The following PRRX2 variants were observed in gnomAD, a reference collection of about 807,000 sequenced individuals.
PRRX2 encodes paired mesoderm homeobox protein 2.
In PRRX2, 11 loss-of-function variants were observed where a neutral mutation model predicts 18.0. The ratio of observed to expected loss-of-function variants is 0.61; its 90% CI spans 0.39 to 1.01. PRRX2 has a LOEUF of 1.01. Ranked by LOEUF, PRRX2 falls within the 50% of genes least tolerant of loss-of-function variation. The pLI, the probability that PRRX2 is intolerant of heterozygous loss-of-function variation, is 0.01. For missense variants in PRRX2, 387 were observed against 351.0 expected (o/e 1.10, Z -0.82); for synonymous variants, 177 against 154.8 (o/e 1.14, Z -1.06).
At chr9:129,684,486 A>T (rs1248690701) in intron 1 of PRRX2, among the ~76,000 whole-genome samples, 1 of 69,406 alleles carries the variant, frequency 1.4e-5, no homozygotes, top group Admixed American at 1.2e-4. Context: ...CAGAAATCAC[A>T]CACACACACA....
intron 1 of PRRX2, among the ~76,000 whole-genome samples, chr9:129,679,383 G>A (rs754348180): frequency 2.6e-5 from 4 of 152,098 alleles, no homozygotes; most frequent in South Asian, 4.1e-4. Context: ...CTCCATCATC[G>A]TCGGCCCCAT....
At position 129,722,673 on chromosome 9, in the gene PRRX2, A is replaced by C. The variant is rs1832810261; in HGVS notation, c.*321A>C. ...ATAAAACCATTTTTTTAAGCCCCAA[A>C]AGGTTGCAGGAAGGTGGGTAAGGGC... On this transcript the variant is annotated 3_prime_UTR_variant, in exon 4 of 4. Coordinates refer to ENST00000372469, the MANE Select transcript of PRRX2 (RefSeq NM_016307.4). 5.1e-6 allele frequency: 1 copy of C among 197,778 alleles called. No homozygotes were observed. Among genetic ancestry groups the C allele is most frequent in the African/African-American group, 2.3e-5 (1 of 43,420 alleles). The allele number at this position is 197,778 out of a possible 1,614,324, so 12.3% of individuals were successfully genotyped here. A position where few individuals can be genotyped will look rare whatever the true frequency, so the allele number is the denominator to read the frequency against.
chr9:129,666,518 C>G (rs943184893), intron 1 of PRRX2, among the ~76,000 whole-genome samples: 29 of 152,150 alleles, frequency 1.9e-4, no homozygotes, highest in Admixed American at 9.8e-4. Context: ...AGCGCCGCCC[C>G]AGCTCCTCCT....
At chr9:129,669,148 C>T (rs1391860099) in intron 1 of PRRX2, among the ~76,000 whole-genome samples, 2 of 105,412 alleles carry the variant, frequency 1.9e-5, no homozygotes, top group South Asian at 2.9e-4. Flanking sequence ...GCTGGGATAG[C>T]AGGCTCAAAC....
chr9:129,677,484 G>A (rs1832174126), intron 1 of PRRX2, among the ~76,000 whole-genome samples: 1 of 152,164 alleles, frequency 6.6e-6, no homozygotes, highest in Non-Finnish European at 1.5e-5. Flanking sequence ...CAGGAGGGAT[G>A]GGGGGGTTCC....
At chr9:129,688,470 C>T (rs1832320721) in intron 1 of PRRX2, among the ~76,000 whole-genome samples, 1 of 152,176 alleles carries the variant, frequency 6.6e-6, no homozygotes. Flanking sequence ...CATGAACTCC[C>T]TCCCACAGTC....
chr9:129,682,727 G>A (rs557063149), intron 1 of PRRX2, among the ~76,000 whole-genome samples: 1 of 152,292 alleles, frequency 6.6e-6, no homozygotes, highest in South Asian at 2.1e-4. Context: ...TGGGCCTGTG[G>A]CGGGGTCAAG....
chr9:129,667,213 C>T (rs890779149), intron 1 of PRRX2, among the ~76,000 whole-genome samples: 1 of 152,252 alleles, frequency 6.6e-6, no homozygotes, highest in Non-Finnish European at 1.5e-5. Flanking sequence ...GCAGCGGCCA[C>T]CACTCACTGG....
At chr9:129,676,943 G>A (rs1351349034) in intron 1 of PRRX2, among the ~76,000 whole-genome samples, 3 of 152,220 alleles carry the variant, frequency 2.0e-5, no homozygotes, top group African/African-American at 7.2e-5. Context: ...TCCCCTCATG[G>A]TGAAGCCACA....
chr9:129,672,824 C>T (rs1832115834), intron 1 of PRRX2, among the ~76,000 whole-genome samples: 1 of 152,192 alleles, frequency 6.6e-6, no homozygotes, highest in Non-Finnish European at 1.5e-5. Flanking sequence ...GTCCCTGTCT[C>T]TGTGTAACAG....
intron 1 of PRRX2, among the ~76,000 whole-genome samples, chr9:129,710,933 T>C (rs1832610265): frequency 6.6e-6 from 1 of 152,132 alleles, no homozygotes; most frequent in Admixed American, 6.6e-5. Flanking sequence ...GAGCTCTCTC[T>C]GTGCCCGGCC....
chr9:129,697,459 G>A (rs1832440822), intron 1 of PRRX2, among the ~76,000 whole-genome samples: 1 of 151,450 alleles, frequency 6.6e-6, no homozygotes, highest in African/African-American at 2.4e-5. Flanking sequence ...GCGGGACTGC[G>A]GCGAGGCAGG....
At position 129,715,307 on chromosome 9, in the gene PRRX2, TTAGC is replaced by T. The variant is rs1442723531; in HGVS notation, c.260-3923_260-3920del. On this transcript the variant is annotated intron_variant, in intron 1 of 3. Transcript: ENST00000372469. The surrounding 1 kb of genome is among the most constrained non-coding windows in gnomAD (Gnocchi z 4.0). ...GCCTGTCCTGTGTCTTGAAAGATATTTAGCAAGGCCAAGCATGGTGGCTCGTGCC... is the reference window on the plus strand; with the variant it reads ...GCCTGTCCTGTGTCTTGAAAGATATTAAGGCCAAGCATGGTGGCTCGTGCC... Among the ~76,000 whole-genome samples, 38 of 152,124 alleles carry T rather than the reference TTAGC, an allele frequency of 2.5e-4. 1 individual carries two copies. The highest frequency in any genetic ancestry group is 2.5e-3 in the Admixed American group (38 of 15,266).
intron 1 of PRRX2, among the ~76,000 whole-genome samples, chr9:129,704,613 T>C (rs1832536496): frequency 1.3e-5 from 2 of 152,190 alleles, no homozygotes; most frequent in Non-Finnish European, 2.9e-5. Context: ...CAGACAGAAC[T>C]TGGGGTTCCA....
chr9:129,697,679 C>T (rs938676674), intron 1 of PRRX2, among the ~76,000 whole-genome samples: 1 of 152,032 alleles, frequency 6.6e-6, no homozygotes, highest in African/African-American at 2.4e-5. Flanking sequence ...GCTCCCCGTC[C>T]AGATGGGAAA....
At chr9:129,677,744 C>G (rs563381646) in intron 1 of PRRX2, among the ~76,000 whole-genome samples, 6 of 152,346 alleles carry the variant, frequency 3.9e-5, no homozygotes, top group African/African-American at 1.4e-4. Flanking sequence ...GAGCGGGCCG[C>G]CCCACCACCA....
chr9:129,672,607 T>A (rs28446360), intron 1 of PRRX2, among the ~76,000 whole-genome samples: 1 of 151,884 alleles, frequency 6.6e-6, no homozygotes, highest in Non-Finnish European at 1.5e-5. Flanking sequence ...GGTTGGGGGG[T>A]TTCTCCTTAA....
intron 1 of PRRX2, among the ~76,000 whole-genome samples, chr9:129,674,339 T>A (rs906106009): frequency 6.6e-6 from 1 of 152,114 alleles, no homozygotes; most frequent in African/African-American, 2.4e-5. Flanking sequence ...CTGGAAGATA[T>A]TATTCTGGTT....
chr9:129,672,143 G>GGGGT (rs1328725225), intron 1 of PRRX2, among the ~76,000 whole-genome samples: 1 of 152,196 alleles, frequency 6.6e-6, no homozygotes, highest in African/African-American at 2.4e-5. Flanking sequence ...GGGGACCTTG[G>GGGGT]GGGTGATTTA....
Sources: gnomAD v4.1 joint callset for allele counts (sites outside exome capture counted in the v4.1 genomes callset) on GRCh38, gnomAD v4.1.1 for gene constraint, Gnocchi (gnomAD v3.1) non-coding constraint, MANE v1.5 for transcripts, NCBI Gene and HGNC (gene_info 2026-07-23, HGNC 2026-07-21) for gene names.